Variants in CCDC57 observed in about 807,000 individuals in gnomAD.
CCDC57 encodes coiled-coil domain containing 57.
In CCDC57, 118 loss-of-function variants were observed where a neutral mutation model predicts 118.9. The observed-to-expected ratio is 0.99, with a 90% CI of 0.86 to 1.16. The LOEUF (loss-of-function observed/expected upper bound fraction) is 1.16. Ranked by LOEUF, CCDC57 falls within the 50% of genes most tolerant of loss-of-function variation. The probability of loss-of-function intolerance (pLI) is 0.00; values close to 1 mark genes in which losing one functional copy is unlikely to be tolerated. For synonymous variants in CCDC57, 527 were observed against 532.9 expected (o/e 0.99, Z 0.15); for missense variants, 1,300 against 1,320.7 (o/e 0.98, Z 0.24).
intron 19 of CCDC57, chr17:82,107,365 C>A (rs1315627464): frequency 3.4e-6 from 1 of 293,714 alleles, no homozygotes; most frequent in African/African-American, 3.3e-5. Context: ...GGCACAGATG[C>A]CGCGGGAGTG....
chr17:82,201,696 C>T (rs2146908953), exon 3 of CCDC57: 1 of 1,613,704 alleles, frequency 6.2e-7, no homozygotes, highest in African/African-American at 1.3e-5. Context: ...CCTCTTCCCA[C>T]TCCCTGGCCT....
intron 4 of CCDC57, among the ~76,000 whole-genome samples, chr17:82,196,489 C>G (rs1352575900): frequency 1.3e-5 from 2 of 152,208 alleles, no homozygotes; most frequent in African/African-American, 2.4e-5. Flanking sequence ...GAGGGCCCAT[C>G]ATGACGTGAG....
At position 82,137,678 on chromosome 17, in the gene CCDC57, C is replaced by CT. The variant is rs199677583; in HGVS notation, c.2456-3485dup. The stretch of plus-strand genomic sequence containing the variant: ...AAAATAAAGCTTTCAGGAGACTTTT[C>CT]TTTTTTTTTTTTTTGAGATGGAGTC... On this transcript the variant is annotated intron_variant, in intron 16 of 19. Transcript: ENST00000665763. Among the ~76,000 whole-genome samples, 335 of 133,390 alleles carry CT rather than the reference C, an allele frequency of 2.5e-3. 1 individual carries two copies. Among genetic ancestry groups the CT allele is most frequent in the African/African-American group, 4.7e-3 (165 of 35,136 alleles). 87.5% of individuals were successfully genotyped at this position (133,390 alleles called of 152,430 possible).
intron 13 of CCDC57, among the ~76,000 whole-genome samples, chr17:82,168,681 T>A (rs2044298929): frequency 6.6e-6 from 1 of 151,686 alleles, no homozygotes; most frequent in Non-Finnish European, 1.5e-5. Flanking sequence ...CGAATGCTAA[T>A]CAAAAGAAAG....
At chr17:82,151,268 GACCC>G (rs1200450155) in intron 16 of CCDC57, among the ~76,000 whole-genome samples, 492 of 145,884 alleles carry the variant, frequency 3.4e-3, no homozygotes, top group Non-Finnish European at 3.9e-3. Flanking sequence ...CCCAGAACCT[GACCC>G]GCACCCAGAA....
At chr17:82,168,371 G>A (rs1238978094) in intron 13 of CCDC57, among the ~76,000 whole-genome samples, 1 of 152,158 alleles carries the variant, frequency 6.6e-6, no homozygotes, top group African/African-American at 2.4e-5. Context: ...AGCGCAAGTG[G>A]ATCACCTGAG....
intron 9 of CCDC57, among the ~76,000 whole-genome samples, chr17:82,180,677 G>T (rs1009822725): frequency 6.6e-6 from 1 of 152,084 alleles, no homozygotes; most frequent in East Asian, 1.9e-4. Flanking sequence ...GGGTTTCACC[G>T]TGTTAGCCAG....
intron 17 of CCDC57, 39 bp from the exon 17 acceptor site, chr17:82,128,636 C>T: frequency 6.8e-7 from 1 of 1,464,702 alleles, no homozygotes; most frequent in African/African-American, 1.4e-5. Flanking sequence ...CTGGTATTCA[C>T]ATGTACTGAT....
intron 4 of CCDC57, 57 bp from the exon 4 acceptor site, chr17:82,195,421 C>T (rs1270012320): frequency 7.2e-7 from 1 of 1,387,080 alleles, no homozygotes; most frequent in Non-Finnish European, 1.0e-6. Context: ...AAGACCCCCA[C>T]CCACGTCCTG....
At chr17:82,151,159 A>C (rs867995760) in intron 16 of CCDC57, among the ~76,000 whole-genome samples, 1 of 46,178 alleles carries the variant, frequency 2.2e-5, no homozygotes, top group African/African-American at 8.0e-5. Context: ...ACCTAGAACC[A>C]GGCGCACACC....
intron 19 of CCDC57, among the ~76,000 whole-genome samples, chr17:82,115,544 G>A (rs2035775196): frequency 1.3e-5 from 2 of 152,090 alleles, no homozygotes; most frequent in Non-Finnish European, 2.9e-5. Flanking sequence ...GCTGACATGG[G>A]AGCATTGCTT....
chr17:82,148,389 A>G (rs1598909966), intron 16 of CCDC57, among the ~76,000 whole-genome samples: 1 of 8,716 alleles, frequency 1.1e-4, no homozygotes, highest in Non-Finnish European at 1.9e-4. Context: ...GGGTGAATGG[A>G]TGAATGGGTG....
rs1442928352 is a variant in CCDC57 at position 82,212,401 on chromosome 17, T to C, written c.-211+384A>G. Among the ~76,000 whole-genome samples, 12 of 146,652 alleles carry C rather than the reference T, an allele frequency of 8.2e-5. No homozygotes were observed. Among genetic ancestry groups the C allele is most frequent in the African/African-American group, 1.8e-4 (7 of 39,368 alleles). The stretch of plus-strand genomic sequence containing the variant: ...TCCGGCCTTTTTTTTTCCTCTCTTT[T>C]TTTTTTTTTTTTTTTAAACTCACAG... On this transcript the variant is annotated intron_variant, in intron 1 of 19. Transcript: ENST00000665763. This position sits in a 1 kb window ranked among gnomAD's most constrained non-coding sequence, Gnocchi z 4.1.
At position 82,192,425 on chromosome 17, in the gene CCDC57, G is replaced by A. The variant is rs943361143; in HGVS notation, c.851+1331C>T. 6.6e-6 allele frequency among the ~76,000 whole-genome samples: 1 copy of A among 152,176 alleles called. No individual in the cohort carries two copies. The highest frequency in any genetic ancestry group is 1.5e-5 in the Non-Finnish European group (1 of 68,028). On this transcript the variant is annotated intron_variant, in intron 7 of 19. Transcript: ENST00000665763. This position sits in a 1 kb window ranked among gnomAD's most constrained non-coding sequence, Gnocchi z 4.0. ...TTTTGGGGAGTGAAAAGTTATATGT[G>A]AATTTTTGACCTCATGGGGCTAGAT...
intron 9 of CCDC57, among the ~76,000 whole-genome samples, chr17:82,181,098 G>C (rs2046156752): frequency 1.3e-5 from 2 of 152,252 alleles, no homozygotes; most frequent in African/African-American, 4.8e-5. Flanking sequence ...TGGAGAAGCT[G>C]AAGTGGCTGA....
intron 19 of CCDC57, among the ~76,000 whole-genome samples, chr17:82,105,890 C>T (rs1194742818): frequency 6.6e-6 from 1 of 152,230 alleles, no homozygotes; most frequent in Non-Finnish European, 1.5e-5. Context: ...GCAGTCCTGC[C>T]ACCCATCACT....
chr17:82,126,788 CAG>C (rs1446469627), intron 19 of CCDC57: 3 of 985,340 alleles, frequency 3.0e-6, no homozygotes, highest in Non-Finnish European at 3.6e-6. Flanking sequence ...ACTATTCTAA[CAG>C]TATCTGTGAC....
rs772163981 is a variant in CCDC57, at chr17:82,193,852, T to C, written c.777-22A>G. The C allele has an allele frequency of 8.2e-6, 13 of 1,578,120 alleles. No homozygotes were observed. The Admixed American group carries it at 1.1e-4, about 14-fold the overall frequency. On this transcript the variant is annotated intron_variant, in intron 6 of 19. Transcript: ENST00000665763. ...TACCCTGAAAAGAAACAAATATTTA[T>C]GGAAGGAGCAAGTGAGATGAAAGCA... is the stretch of plus-strand genomic sequence containing the variant.
intron 19 of CCDC57, 63 bp from the exon 19 acceptor site, chr17:82,101,929 T>C: frequency 7.0e-7 from 1 of 1,433,888 alleles, no homozygotes; most frequent in South Asian, 1.4e-5. Flanking sequence ...GAGGCTGTGC[T>C]CACAGGCACT....
Sources: allele counts gnomAD v4.1 joint callset (sites outside exome capture counted in the v4.1 genomes callset), GRCh38; gene constraint gnomAD v4.1.1; non-coding constraint Gnocchi (gnomAD v3.1); transcripts MANE v1.5; gene names NCBI Gene and HGNC (gene_info 2026-07-23, HGNC 2026-07-21).